TCF12: variants seen among roughly 807,000 people sequenced by gnomAD.
The protein encoded by TCF12 is transcription factor 12.
A neutral mutation model predicts 86.0 loss-of-function variants in TCF12; 45 were observed. The ratio of observed to expected loss-of-function variants is 0.52; its 90% CI spans 0.41 to 0.67. The LOEUF is 0.67. TCF12 is among the 30% of genes least tolerant of loss of function. TCF12 has a pLI of 0.00. For synonymous variants in TCF12, 330 were observed against 299.6 expected (o/e 1.10, Z -1.05); for missense variants, 881 against 859.9 (o/e 1.02, Z -0.31).
chr15:57,144,270 C>A (rs532278586), intron 5 of TCF12, among the ~76,000 whole-genome samples: 6 of 152,058 alleles, frequency 3.9e-5, no homozygotes, highest in Non-Finnish European at 2.9e-5. Flanking sequence ...GGGATAGATA[C>A]GAGGCACATT....
chr15:57,232,423 A>G lies in TCF12; in HGVS notation c.818A>G (p.Asp273Gly). Residue 273 changes from aspartate to glycine, a missense_variant, in exon 10 of 21, where the codon GAC becomes GGC. Around this residue, in one of 3 missense-constraint regions of TCF12, gnomAD observed 766 missense variants for 718.9 expected, o/e 1.07. Coordinates refer to ENST00000333725, the MANE Select transcript of TCF12 (RefSeq NM_207037.2). ...AGTTATGGCAACCTTCATTCACATGACCGCTTGGTAGGCTATAACACGTGA... is the reference window on the plus strand; with the variant it reads ...AGTTATGGCAACCTTCATTCACATGGCCGCTTGGTAGGCTATAACACGTGA... ...SSSYGNLHSH[D>G]RLSYPPHSVS... is the part of the protein sequence containing the mutation. The G allele has an allele frequency of 6.2e-7, 1 of 1,605,440 alleles. No homozygotes were observed. The highest frequency in any genetic ancestry group is 8.5e-7 in the Non-Finnish European group (1 of 1,177,448).
chr15:56,971,625 A>T (rs1229220461), intron 3 of TCF12, among the ~76,000 whole-genome samples: 1 of 152,174 alleles, frequency 6.6e-6, no homozygotes, highest in Non-Finnish European at 1.5e-5. Flanking sequence ...AGACAAAGGG[A>T]TAATTCATAT....
intron 5 of TCF12, among the ~76,000 whole-genome samples, chr15:57,099,332 A>T (rs2049561342): frequency 1.3e-5 from 2 of 152,204 alleles, no homozygotes; most frequent in South Asian, 4.1e-4. Context: ...CACACTTTCC[A>T]GAGTACTCCT....
chr15:56,938,787 C>T (rs753771428), intron 3 of TCF12, among the ~76,000 whole-genome samples: 5 of 151,912 alleles, frequency 3.3e-5, no homozygotes, highest in Non-Finnish European at 5.9e-5. Context: ...CCATCACATT[C>T]AGGGTTAAAG....
intron 8 of TCF12, among the ~76,000 whole-genome samples, chr15:57,214,689 T>C (rs1489038341): frequency 6.6e-6 from 1 of 152,218 alleles, no homozygotes; most frequent in Non-Finnish European, 1.5e-5. Context: ...TATGTGTTGA[T>C]ATCCAAATAA....
chr15:57,014,205 A>C (rs1304996601), intron 3 of TCF12, among the ~76,000 whole-genome samples: 2 of 152,176 alleles, frequency 1.3e-5, no homozygotes, highest in Non-Finnish European at 2.9e-5. Flanking sequence ...CAGTCTGATA[A>C]GCCAACTTCT....
intron 3 of TCF12, among the ~76,000 whole-genome samples, chr15:56,922,131 G>A (rs2059822368): frequency 1.3e-5 from 2 of 151,822 alleles, no homozygotes; most frequent in Admixed American, 6.6e-5. Flanking sequence ...TTACTTTTTG[G>A]GGAGGGGGGA....
At chr15:57,102,512 C>G (rs986354786) in intron 5 of TCF12, among the ~76,000 whole-genome samples, 2 of 151,714 alleles carry the variant, frequency 1.3e-5, no homozygotes, top group South Asian at 4.2e-4. Context: ...ACAGAAGAAT[C>G]ACTTGAACCC....
At chr15:57,170,740 ATATATTATATATTATATATT>A (rs2055380208) in intron 6 of TCF12, among the ~76,000 whole-genome samples, 2 of 35,870 alleles carry the variant, frequency 5.6e-5, no homozygotes, top group African/African-American at 2.0e-4. Flanking sequence ...TATATATAAT[ATATATTATATATTATATATT>A]ATATATATAT....
chr15:57,032,360 G>C (rs1195723451), intron 3 of TCF12, among the ~76,000 whole-genome samples: 3 of 152,174 alleles, frequency 2.0e-5, no homozygotes, highest in African/African-American at 7.2e-5. Context: ...ACCTTAAACA[G>C]GTTGATTGTC....
At chr15:57,166,116 A>G (rs1362637078) in intron 5 of TCF12, among the ~76,000 whole-genome samples, 2 of 152,138 alleles carry the variant, frequency 1.3e-5, no homozygotes, top group Admixed American at 1.3e-4. Context: ...GAGAGGCTTC[A>G]CTATTGCCCA....
chr15:57,039,877 T>C (rs1596257824), intron 3 of TCF12, among the ~76,000 whole-genome samples: 2 of 152,326 alleles, frequency 1.3e-5, no homozygotes, highest in East Asian at 3.9e-4. Context: ...TCTTTGAGAT[T>C]GTCAGAAGTC....
chr15:57,153,157 C>T lies in TCF12; in HGVS notation c.326-13245C>T, dbSNP rs186753001. Among the ~76,000 whole-genome samples the T allele has an allele frequency of 2.5e-3, 381 of 152,126 alleles. 6 individuals are homozygous for T. The highest frequency in any genetic ancestry group is 0.022 in the Admixed American group (333 of 15,276). On this transcript the variant is annotated intron_variant, in intron 5 of 20. Transcript: ENST00000333725. The stretch of plus-strand genomic sequence containing the variant: ...TATGAAAATCTGAGAAAATCCATTC[C>T]CAGCAGACTACAATAACTGCTGGAG...
intron 16 of TCF12, among the ~76,000 whole-genome samples, chr15:57,257,681 A>G (rs1379360635): frequency 2.1e-4 from 2 of 9,570 alleles, no homozygotes; most frequent in African/African-American, 1.1e-3. Context: ...AAAAAAGTGT[A>G]TATATATATA....
At chr15:57,005,964 T>A (rs770633325) in intron 3 of TCF12, among the ~76,000 whole-genome samples, 1 of 152,208 alleles carries the variant, frequency 6.6e-6, no homozygotes, top group Non-Finnish European at 1.5e-5. Context: ...TATACTCTTA[T>A]TTGGTAGACC....
intron 8 of TCF12, among the ~76,000 whole-genome samples, chr15:57,207,752 T>C (rs144563021): frequency 7.7e-4 from 117 of 152,286 alleles, no homozygotes; most frequent in Middle Eastern, 3.4e-3. Flanking sequence ...GACAATTTTT[T>C]AAACTGTCAA....
chr15:56,941,516 G>C (rs1308987664), intron 3 of TCF12, among the ~76,000 whole-genome samples: 7 of 151,802 alleles, frequency 4.6e-5, no homozygotes, highest in Non-Finnish European at 4.4e-5. Context: ...GGGATTACAG[G>C]CATGCACCAC....
intron 5 of TCF12, among the ~76,000 whole-genome samples, chr15:57,160,568 A>C (rs1396998743): frequency 6.6e-6 from 1 of 152,194 alleles, no homozygotes; most frequent in African/African-American, 2.4e-5. Context: ...TTCTGTCACT[A>C]AAAAGAGCTA....
intron 8 of TCF12, among the ~76,000 whole-genome samples, chr15:57,212,555 G>A (rs2058155592): frequency 6.6e-6 from 1 of 152,072 alleles, no homozygotes; most frequent in Admixed American, 6.5e-5. Context: ...TAGTATTACA[G>A]GCATGAGCCA....
Sources: gnomAD v4.1 joint callset for allele counts (sites outside exome capture counted in the v4.1 genomes callset) on GRCh38, gnomAD v4.1.1 for gene constraint, gnomAD v4.1.1 regional missense constraint, MANE v1.5 for transcripts, NCBI Gene and HGNC (gene_info 2026-07-23, HGNC 2026-07-21) for gene names.